The following AGMO variants were observed in gnomAD, a reference collection of about 807,000 sequenced individuals.
AGMO encodes the protein alkylglycerol monooxygenase.
Under a neutral mutation model 60.2 loss-of-function variants are expected in AGMO, and 75 were observed. The ratio of observed to expected loss-of-function variants is 1.25; its 90% CI spans 1.03 to 1.51. AGMO has a LOEUF of 1.51. AGMO is among the 40% of genes most tolerant of loss of function. The pLI is 0.00. For missense variants in AGMO, 763 were observed against 525.5 expected (o/e 1.45, Z -4.42); for synonymous variants, 261 against 177.1 (o/e 1.47, Z -3.76).
chr7:15,419,245 T>A (rs1296440552), intron 4 of AGMO, among the ~76,000 whole-genome samples: 2 of 151,948 alleles, frequency 1.3e-5, no homozygotes, highest in Non-Finnish European at 2.9e-5. Context: ...TAAAGGTCCA[T>A]ATTACGTAAT....
intron 5 of AGMO, among the ~76,000 whole-genome samples, chr7:15,412,414 A>G (rs1319737287): frequency 6.6e-6 from 1 of 152,024 alleles, no homozygotes; most frequent in Non-Finnish European, 1.5e-5. Context: ...GTGACTGGAA[A>G]TATAAGGGGG....
chr7:15,341,317 A>G (rs1188400083), intron 12 of AGMO, among the ~76,000 whole-genome samples: 1 of 152,082 alleles, frequency 6.6e-6, no homozygotes, highest in East Asian at 1.9e-4. Context: ...AGATACCTTA[A>G]ATCATTTCTC....
intron 12 of AGMO, among the ~76,000 whole-genome samples, chr7:15,228,636 AAAGTAAAAT>A (rs1189988168): frequency 1.3e-5 from 2 of 152,326 alleles, no homozygotes; most frequent in Non-Finnish European, 2.9e-5. Context: ...CAAAATAACT[AAAGTAAAAT>A]AAGTAAAATA....
the AGMO span, among the ~76,000 whole-genome samples, chr7:15,182,518 C>T: frequency 2.6e-4 from 39 of 152,206 alleles, no homozygotes; most frequent in East Asian, 6.8e-3. Context: ...TGGGCTCAAG[C>T]GATCCTCCCA....
At chr7:15,366,243 T>A in intron 10 of AGMO, 21 bp from the exon 11 acceptor site, 1 of 1,572,078 alleles carries the variant, frequency 6.4e-7, no homozygotes, top group Non-Finnish European at 8.7e-7. Flanking sequence ...AACACGGAGA[T>A]CAATGGAGCC....
chr7:15,459,018 T>C (rs1782067698), intron 3 of AGMO, among the ~76,000 whole-genome samples: 1 of 152,202 alleles, frequency 6.6e-6, no homozygotes, highest in South Asian at 2.1e-4. Context: ...ATCTAATGCA[T>C]ATAGAACCCC....
At chr7:15,340,629 C>A (rs560393277) in intron 12 of AGMO, among the ~76,000 whole-genome samples, 2 of 152,304 alleles carry the variant, frequency 1.3e-5, no homozygotes, top group South Asian at 4.1e-4. Flanking sequence ...GTGCCAGCCC[C>A]AAGCCTTGGC....
the AGMO span, among the ~76,000 whole-genome samples, chr7:15,183,665 T>C: frequency 6.6e-6 from 1 of 152,210 alleles, no homozygotes; most frequent in Non-Finnish European, 1.5e-5. Flanking sequence ...AACTGTAAGA[T>C]GGAAGTCATT....
intron 12 of AGMO, among the ~76,000 whole-genome samples, chr7:15,315,156 T>A (rs1780880316): frequency 6.6e-6 from 1 of 152,000 alleles, no homozygotes; most frequent in South Asian, 2.1e-4. Context: ...AAGCTTGACG[T>A]ACAAAGACTT....
At position 15,561,970 on chromosome 7, in the gene AGMO, A is replaced by G; in HGVS notation, c.-125T>C. 1 of 982,298 alleles carries G rather than the reference A, an allele frequency of 1.0e-6. No homozygotes were observed. The highest frequency in any genetic ancestry group is 1.5e-6 in the Non-Finnish European group (1 of 688,528). 60.8% of individuals were successfully genotyped at this position (982,298 alleles called of 1,614,324 possible). On this transcript the variant is annotated 5_prime_UTR_variant, in exon 1 of 13. Coordinates refer to ENST00000342526, the MANE Select transcript of AGMO (RefSeq NM_001004320.2). Reference sequence around the variant, plus strand: ...TCTTTGTCAGAGAACAGCTAAAACCAAAGCTCCACTGAGAGCACACTCAAC... The same window carrying G: ...TCTTTGTCAGAGAACAGCTAAAACCGAAGCTCCACTGAGAGCACACTCAAC...
intron 12 of AGMO, among the ~76,000 whole-genome samples, chr7:15,286,042 A>T (rs1171511717): frequency 6.6e-6 from 1 of 152,130 alleles, no homozygotes; most frequent in African/African-American, 2.4e-5. Flanking sequence ...ATAAAACTGG[A>T]TCCCTATCTC....
chr7:15,355,753 GTA>G (rs1422182640), intron 12 of AGMO, among the ~76,000 whole-genome samples: 1 of 151,998 alleles, frequency 6.6e-6, no homozygotes, highest in Non-Finnish European at 1.5e-5. Flanking sequence ...GGGGAGTATT[GTA>G]TTATATGGAA....
the AGMO span, among the ~76,000 whole-genome samples, chr7:15,179,938 C>G: frequency 1.2e-3 from 187 of 152,244 alleles, 1 homozygote; most frequent in African/African-American, 4.3e-3. Context: ...TGTGCTAGAA[C>G]GAGGGGATGA....
intron 12 of AGMO, among the ~76,000 whole-genome samples, chr7:15,275,864 G>A (rs1208499560): frequency 1.3e-5 from 2 of 151,716 alleles, no homozygotes; most frequent in African/African-American, 2.4e-5. Context: ...ATTCCTGCTT[G>A]CATTTGTTTT....
chr7:15,137,695 A>C, the AGMO span, among the ~76,000 whole-genome samples: 1 of 152,188 alleles, frequency 6.6e-6, no homozygotes, highest in Non-Finnish European at 1.5e-5. Context: ...GATGATTCAC[A>C]AGAACTATTA....
intron 5 of AGMO, among the ~76,000 whole-genome samples, chr7:15,412,133 TTA>T (rs1469185599): frequency 4.6e-5 from 7 of 152,168 alleles, no homozygotes; most frequent in African/African-American, 1.7e-4. Context: ...ATTGTATATA[TTA>T]CTTCATAATT....
chr7:15,508,362 GTTGACATC>G (rs1294847564), intron 3 of AGMO, among the ~76,000 whole-genome samples: 1 of 152,124 alleles, frequency 6.6e-6, no homozygotes, highest in Non-Finnish European at 1.5e-5. Flanking sequence ...ATGGATGCAA[GTTGACATC>G]TGTAAAGTAA....
At chr7:15,271,208 C>CA (rs1002689152) in intron 12 of AGMO, among the ~76,000 whole-genome samples, 52 of 152,116 alleles carry the variant, frequency 3.4e-4, no homozygotes, top group African/African-American at 1.3e-3. Flanking sequence ...CAGTGAAAAA[C>CA]AGTGTTGGTA....
chr7:15,192,026 A>G, the AGMO span, among the ~76,000 whole-genome samples: 3 of 151,692 alleles, frequency 2.0e-5, no homozygotes, highest in Non-Finnish European at 4.4e-5. Flanking sequence ...TTCATCAAAA[A>G]TCTGTTTTAA....
Sources: gnomAD v4.1 joint callset for allele counts (sites outside exome capture counted in the v4.1 genomes callset) on GRCh38, gnomAD v4.1.1 for gene constraint, MANE v1.5 for transcripts, NCBI Gene and HGNC (gene_info 2026-07-23, HGNC 2026-07-21) for gene names.